The following C1QTNF3 variants were observed in gnomAD, a reference collection of about 807,000 sequenced individuals.
C1QTNF3 encodes complement C1q tumor necrosis factor-related protein 3.
In C1QTNF3, 26 loss-of-function variants were observed where a neutral mutation model predicts 32.6. The observed-to-expected ratio is 0.80, with a 90% CI of 0.58 to 1.11. C1QTNF3 has a LOEUF of 1.11. Ranked by LOEUF, C1QTNF3 falls within the 50% of genes least tolerant of loss-of-function variation. The pLI, the probability that C1QTNF3 is intolerant of heterozygous loss-of-function variation, is 0.00. For missense variants in C1QTNF3, 362 were observed against 398.2 expected, an observed-to-expected ratio of 0.91 and a Z score of 0.77; for synonymous variants, 155 against 146.0, an observed-to-expected ratio of 1.06 and a Z score of -0.44.
At chr5:34,035,535 A>G in intron 2 of C1QTNF3, 112 bp downstream of exon 2, 2 of 793,942 alleles carry the variant, frequency 2.5e-6, no homozygotes, top group Admixed American at 2.5e-5. Flanking sequence ...CCAAGAGTCT[A>G]GCGGATCCTT....
At chr5:34,096,877 G>A in the C1QTNF3 span, among the ~76,000 whole-genome samples, 1 of 150,304 alleles carries the variant, frequency 6.7e-6, no homozygotes, top group Non-Finnish European at 1.5e-5. Flanking sequence ...TACTGTCTTT[G>A]GATGCAAATC....
chr5:34,103,907 C>T, the C1QTNF3 span, among the ~76,000 whole-genome samples: 2 of 151,912 alleles, frequency 1.3e-5, no homozygotes, highest in Admixed American at 6.6e-5. Flanking sequence ...ATAGAGATTA[C>T]GTTATTTGTT....
chr5:34,221,141 AT>A, the C1QTNF3 span, among the ~76,000 whole-genome samples: 3 of 152,064 alleles, frequency 2.0e-5, no homozygotes, highest in Non-Finnish European at 4.4e-5. Context: ...TTGCTTTTGA[AT>A]TTTTTTAAAT....
At chr5:34,220,939 A>G in the C1QTNF3 span, among the ~76,000 whole-genome samples, 1 of 152,100 alleles carries the variant, frequency 6.6e-6, no homozygotes, top group Non-Finnish European at 1.5e-5. Context: ...TTGCATGTCC[A>G]GTGCTCCAGG....
At chr5:34,146,742 C>G in the C1QTNF3 span, among the ~76,000 whole-genome samples, 6 of 152,198 alleles carry the variant, frequency 3.9e-5, no homozygotes, top group Non-Finnish European at 8.8e-5. Flanking sequence ...CCCTTCTTGA[C>G]AGTGGCCATG....
chr5:34,171,894 A>G, the C1QTNF3 span, among the ~76,000 whole-genome samples: 1 of 152,232 alleles, frequency 6.6e-6, no homozygotes, highest in African/African-American at 2.4e-5. Context: ...AACTACCCAT[A>G]AATGTACCCA....
chr5:34,154,056 A>G, the C1QTNF3 span, among the ~76,000 whole-genome samples: 1 of 151,904 alleles, frequency 6.6e-6, no homozygotes, highest in African/African-American at 2.4e-5. Context: ...GTCATTTGGT[A>G]TAAATAATGC....
Position 34,019,289 on chromosome 5 carries a change from T to C in C1QTNF3, c.*1294A>G, listed in dbSNP as rs1240087447. Among the ~76,000 whole-genome samples, 2 of 152,252 alleles carry C rather than the reference T, an allele frequency of 1.3e-5. No homozygotes were observed. Among genetic ancestry groups the C allele is most frequent in the East Asian group, 1.9e-4 (1 of 5,182 alleles). On this transcript the variant is annotated 3_prime_UTR_variant, in exon 6 of 6. Transcript: ENST00000382065. Reference sequence around the variant, plus strand: ...TGGTCATGGGTAAATTGTGAAGGCATTGGAAATTATCTGCACCTTTTCCCA... The same window carrying C: ...TGGTCATGGGTAAATTGTGAAGGCACTGGAAATTATCTGCACCTTTTCCCA...
upstream of C1QTNF3, among the ~76,000 whole-genome samples, chr5:34,047,981 T>C (rs1755014286): frequency 6.6e-6 from 1 of 152,100 alleles, no homozygotes; most frequent in Admixed American, 6.6e-5. Flanking sequence ...CTGGTCAGGA[T>C]GTTACAATTT....
At chr5:34,032,836 A>G (rs1472320823) in intron 3 of C1QTNF3, among the ~76,000 whole-genome samples, 1 of 152,202 alleles carries the variant, frequency 6.6e-6, no homozygotes, top group Non-Finnish European at 1.5e-5. Flanking sequence ...CTGAGTTGAG[A>G]GAAAACAATA....
At chr5:34,235,129 A>G in the C1QTNF3 span, among the ~76,000 whole-genome samples, 2 of 152,130 alleles carry the variant, frequency 1.3e-5, no homozygotes, top group African/African-American at 4.8e-5. Context: ...GAAAGAGAAA[A>G]CAACTTCCCT....
chr5:34,042,529 A>G (rs1754894252), intron 1 of C1QTNF3, among the ~76,000 whole-genome samples: 2 of 152,164 alleles, frequency 1.3e-5, no homozygotes, highest in Admixed American at 6.5e-5. Context: ...CAAGAAGGAA[A>G]TCAAGTCCCA....
At chr5:34,085,383 G>A in the C1QTNF3 span, among the ~76,000 whole-genome samples, 6 of 150,866 alleles carry the variant, frequency 4.0e-5, no homozygotes, top group African/African-American at 1.5e-4. Flanking sequence ...TTGTTATCCA[G>A]TTTTCCCAAT....
At chr5:34,125,819 C>T in the C1QTNF3 span, among the ~76,000 whole-genome samples, 4 of 152,026 alleles carry the variant, frequency 2.6e-5, no homozygotes, top group African/African-American at 9.7e-5. Context: ...AAATGGTAAA[C>T]ACAATATTTG....
the C1QTNF3 span, among the ~76,000 whole-genome samples, chr5:34,093,178 T>C: frequency 4.6e-5 from 7 of 152,004 alleles, no homozygotes; most frequent in South Asian, 1.0e-3. Context: ...ATATATGTTT[T>C]GAAATAATAT....
the C1QTNF3 span, among the ~76,000 whole-genome samples, chr5:34,237,144 G>T: frequency 6.6e-6 from 1 of 152,108 alleles, no homozygotes; most frequent in African/African-American, 2.4e-5. Context: ...CAAGGAAGAG[G>T]TTACATAAAG....
At chr5:34,024,250 C>T (rs971423359) in intron 4 of C1QTNF3, 2 of 418,616 alleles carry the variant, frequency 4.8e-6, no homozygotes, top group African/African-American at 4.0e-5. Flanking sequence ...AAGGAGCCTA[C>T]CTCATTTTAA....
At chr5:34,103,849 C>T in the C1QTNF3 span, among the ~76,000 whole-genome samples, 4 of 151,514 alleles carry the variant, frequency 2.6e-5, no homozygotes, top group African/African-American at 7.3e-5. Context: ...AGTCAAATCA[C>T]GTTTTATATA....
At chr5:34,168,556 AGGCCAAT>A in the C1QTNF3 span, 1 of 151,742 alleles carries the variant, frequency 6.6e-6, no homozygotes, top group Admixed American at 6.6e-5. Context: ...ATATTTTGGC[AGGCCAAT>A]GGAGAGTTAT....
Sources: allele counts gnomAD v4.1 joint callset (sites outside exome capture counted in the v4.1 genomes callset), GRCh38; gene constraint gnomAD v4.1.1; transcripts MANE v1.5; gene names NCBI Gene and HGNC (gene_info 2026-07-23, HGNC 2026-07-21).